RHCE: variants seen among roughly 807,000 people sequenced by gnomAD.
RHCE encodes the protein Rh blood group CcEe antigens.
Under a neutral mutation model 43.8 loss-of-function variants are expected in RHCE, and 22 were observed. The observed-to-expected ratio is 0.50, with a 90% confidence interval of 0.36 to 0.72. RHCE has a LOEUF of 0.72. Ranked by LOEUF, RHCE falls within the 30% of genes least tolerant of loss-of-function variation. The probability of loss-of-function intolerance (pLI) is 0.00; values close to 1 mark genes in which losing one functional copy is unlikely to be tolerated. For synonymous variants in RHCE, 156 were observed against 210.7 expected, an observed-to-expected ratio of 0.74 and a Z score of 2.25; for missense variants, 385 against 525.4, an observed-to-expected ratio of 0.73 and a Z score of 2.61.
chr1:25,422,703 G>GAC (rs1187620531), upstream of RHCE, among the ~76,000 whole-genome samples: 84 of 152,298 alleles, frequency 5.5e-4, no homozygotes, highest in African/African-American at 1.9e-3. Flanking sequence ...CCACTTAACT[G>GAC]TAGCCTAGAT....
intron 3 of RHCE, among the ~76,000 whole-genome samples, chr1:25,394,106 AG>A (rs1235267997): frequency 6.6e-6 from 1 of 152,114 alleles, no homozygotes; most frequent in Non-Finnish European, 1.5e-5. Flanking sequence ...CTCCTGCTTC[AG>A]CCTCCCATGT....
chr1:25,411,145 A>G (rs565448499), intron 1 of RHCE, among the ~76,000 whole-genome samples: 2 of 151,796 alleles, frequency 1.3e-5, no homozygotes, highest in South Asian at 4.1e-4. Context: ...ACGTGTTTCA[A>G]CTTCATAGCC....
intron 1 of RHCE, among the ~76,000 whole-genome samples, chr1:25,417,574 G>A (rs1344146589): frequency 1.3e-5 from 2 of 152,090 alleles, no homozygotes; most frequent in Non-Finnish European, 2.9e-5. Flanking sequence ...AAGACTCTGA[G>A]GAGTGAATTT....
At chr1:25,418,978 A>G (rs1019761235) in intron 1 of RHCE, among the ~76,000 whole-genome samples, 7 of 152,236 alleles carry the variant, frequency 4.6e-5, no homozygotes, top group Non-Finnish European at 1.0e-4. Flanking sequence ...AAATGACTCA[A>G]CGCCACTGTA....
chr1:25,424,658 G>C (rs2124556999), upstream of RHCE, among the ~76,000 whole-genome samples: 1 of 152,138 alleles, frequency 6.6e-6, no homozygotes, highest in African/African-American at 2.4e-5. Context: ...AAAGTGCTGG[G>C]ATTATAAGTG....
intron 1 of RHCE, among the ~76,000 whole-genome samples, chr1:25,417,739 TA>T (rs1206081944): frequency 1.3e-5 from 2 of 152,240 alleles, no homozygotes; most frequent in Non-Finnish European, 2.9e-5. Flanking sequence ...ATTAATGTAG[TA>T]ATACTTAAAG....
intron 5 of RHCE, among the ~76,000 whole-genome samples, chr1:25,389,574 T>C (rs1646292642): frequency 6.6e-6 from 1 of 152,218 alleles, no homozygotes; most frequent in South Asian, 2.1e-4. Flanking sequence ...GCACCTGGCC[T>C]AGAAGAATGG....
chr1:25,394,476 C>T lies in RHCE; in HGVS notation c.487-2335G>A, dbSNP rs28668585. Among the ~76,000 whole-genome samples, 525 of 152,170 alleles carry T rather than the reference C, an allele frequency of 3.5e-3. 4 individuals are homozygous for T. Among genetic ancestry groups the T allele is most frequent in the African/African-American group, 0.012 (496 of 41,528 alleles). On this transcript the variant is annotated intron_variant, in intron 3 of 9. Coordinates refer to ENST00000294413, the MANE Select transcript of RHCE (RefSeq NM_020485.8). Reference sequence around the variant, plus strand: ...GAGATGAAGCTGCCCCTGGCCACCCCCTCAAACAGTTGTCCTCTCTCCCCA... The same window carrying T: ...GAGATGAAGCTGCCCCTGGCCACCCTCTCAAACAGTTGTCCTCTCTCCCCA...
chr1:25,391,895 G>T, intron 4 of RHCE, 99 bp downstream of exon 4: 1 of 1,544,448 alleles, frequency 6.5e-7, no homozygotes, highest in Non-Finnish European at 8.9e-7. Context: ...AGACACCCAG[G>T]GGAAGTTGGT....
chr1:25,411,232 C>A (rs1170004024), intron 1 of RHCE: 22 of 1,386,388 alleles, frequency 1.6e-5, no homozygotes, highest in Middle Eastern at 1.9e-4. Flanking sequence ...GTTTCTGGGA[C>A]ATCCGAAGGA....
upstream of RHCE, among the ~76,000 whole-genome samples, chr1:25,425,466 T>G (rs939939108): frequency 6.6e-6 from 1 of 152,218 alleles, no homozygotes; most frequent in Non-Finnish European, 1.5e-5. Flanking sequence ...TCTGACACCA[T>G]GGCTTGTGTT....
chr1:25,389,995 T>C (rs570092536), intron 5 of RHCE, among the ~76,000 whole-genome samples: 2 of 152,244 alleles, frequency 1.3e-5, no homozygotes, highest in East Asian at 3.9e-4. Flanking sequence ...TGAATTCTGC[T>C]GTGAAGCTGT....
chr1:25,384,496 A>T (rs1646091278), intron 7 of RHCE, among the ~76,000 whole-genome samples: 1 of 151,976 alleles, frequency 6.6e-6, no homozygotes, highest in Non-Finnish European at 1.5e-5. Flanking sequence ...AGGCCCAGAG[A>T]CAGGAAAGGT....
At chr1:25,411,523 C>G in intron 1 of RHCE, 2 of 1,486,894 alleles carry the variant, frequency 1.3e-6, no homozygotes, top group Non-Finnish European at 1.8e-6. Flanking sequence ...CCAAATCAAC[C>G]TGACACCACC....
chr1:25,414,584 A>G (rs1386609010), intron 1 of RHCE, among the ~76,000 whole-genome samples: 4 of 152,128 alleles, frequency 2.6e-5, no homozygotes, highest in African/African-American at 9.7e-5. Context: ...TTTACATGTC[A>G]CTGGGAAAAC....
chr1:25,392,627 G>C (rs572770916), intron 3 of RHCE, among the ~76,000 whole-genome samples: 1 of 137,680 alleles, frequency 7.3e-6, no homozygotes, highest in East Asian at 2.1e-4. Context: ...CTGGAGTGCA[G>C]TGGTGTGGCC....
chr1:25,406,056 TG>T (rs202156236), intron 2 of RHCE, among the ~76,000 whole-genome samples: 1,763 of 122,614 alleles, frequency 0.014, 226 homozygotes, highest in African/African-American at 0.042. Flanking sequence ...GAGTCAAGAA[TG>T]AACAGGTCCC....
At chr1:25,402,457 C>T (rs1470728590) in intron 3 of RHCE, 139 bp downstream of exon 3, 5 of 1,160,930 alleles carry the variant, frequency 4.3e-6, no homozygotes, top group South Asian at 1.3e-5. Context: ...AACTCCTGGC[C>T]TCAAGTGATC....
intron 1 of RHCE, among the ~76,000 whole-genome samples, chr1:25,415,936 T>C (rs1647379406): frequency 6.6e-6 from 1 of 151,876 alleles, no homozygotes; most frequent in South Asian, 2.1e-4. Context: ...GATCAGTAGG[T>C]CTGGCCTAGG....
Sources: allele counts gnomAD v4.1 joint callset (sites outside exome capture counted in the v4.1 genomes callset), GRCh38; gene constraint gnomAD v4.1.1; transcripts MANE v1.5; gene names NCBI Gene and HGNC (gene_info 2026-07-23, HGNC 2026-07-21).